Variants in CMC2 observed in about 807,000 individuals in gnomAD.
CMC2 encodes the protein COX assembly mitochondrial protein 2 homolog.
Under a neutral mutation model 7.5 loss-of-function variants are expected in CMC2, and 5 were observed. The observed-to-expected ratio is 0.66, with a 90% CI of 0.35 to 1.40. The LOEUF is 1.40. Among genes scored for constraint, CMC2 ranks in the 40% most tolerant of loss-of-function variants. CMC2 has a pLI of 0.04. For synonymous variants in CMC2, 37 were observed against 31.4 expected (o/e 1.18, Z -0.60); for missense variants, 115 against 92.3 (o/e 1.25, Z -1.01).
At chr16:80,977,599 G>C (rs545448204) in intron 3 of CMC2, among the ~76,000 whole-genome samples, 1 of 152,188 alleles carries the variant, frequency 6.6e-6, no homozygotes, top group Non-Finnish European at 1.5e-5. Flanking sequence ...ACCCAAGAGA[G>C]AGTAATGAGG....
intron 2 of CMC2, among the ~76,000 whole-genome samples, chr16:80,994,246 T>G (rs1267425526): frequency 6.6e-6 from 1 of 151,784 alleles, no homozygotes; most frequent in Admixed American, 6.6e-5. Flanking sequence ...AAAATGAAAT[T>G]AACTTGAAAC....
At chr16:81,003,288 C>T (rs1969001156) in intron 1 of CMC2, among the ~76,000 whole-genome samples, 9 of 152,182 alleles carry the variant, frequency 5.9e-5, no homozygotes, top group Admixed American at 5.9e-4. Context: ...TGAAGAAACG[C>T]TAAATACGTA....
chr16:80,986,958 G>A (rs76774834), intron 2 of CMC2, among the ~76,000 whole-genome samples: 2,095 of 152,212 alleles, frequency 0.014, 45 homozygotes, highest in African/African-American at 0.048. Context: ...CCTGAAGAGT[G>A]GCCAAAAAAA....
intron 1 of CMC2, 114 bp downstream of exon 1, chr16:81,006,620 C>T: frequency 1.2e-6 from 1 of 801,390 alleles, no homozygotes; most frequent in Non-Finnish European, 1.5e-6. Flanking sequence ...TCTTCCTGGT[C>T]CCCACCTCCT....
chr16:81,005,975 G>C (rs936707323), intron 1 of CMC2, among the ~76,000 whole-genome samples: 1 of 152,158 alleles, frequency 6.6e-6, no homozygotes, highest in Non-Finnish European at 1.5e-5. Flanking sequence ...GGATGAAAAA[G>C]AAACTCATTT....
chr16:80,996,754 G>C (rs913038419), intron 2 of CMC2, among the ~76,000 whole-genome samples: 1 of 152,164 alleles, frequency 6.6e-6, no homozygotes, highest in Admixed American at 6.5e-5. Flanking sequence ...ATATTCAACA[G>C]CTATAAAAAT....
At chr16:80,998,671 C>T (rs947442462) in intron 1 of CMC2, 2 of 152,110 alleles carry the variant, frequency 1.3e-5, no homozygotes, top group Non-Finnish European at 2.9e-5. Context: ...TATATACATA[C>T]AATGGAATAC....
intron 2 of CMC2, among the ~76,000 whole-genome samples, chr16:80,989,088 G>T (rs142667880): frequency 6.6e-6 from 1 of 151,984 alleles, no homozygotes; most frequent in East Asian, 1.9e-4. Context: ...TTATTACCTA[G>T]GTAAGAAGCT....
chr16:80,975,093 C>G lies in CMC2; in HGVS notation c.*1000G>C, dbSNP rs1449703846. 2 of 152,364 alleles carry G rather than the reference C, an allele frequency of 1.3e-5. No homozygotes were observed. Among genetic ancestry groups the G allele is most frequent in the African/African-American group, 4.8e-5 (2 of 41,466 alleles). 9.4% of individuals were successfully genotyped at this position (152,364 alleles called of 1,614,324 possible). ...GAAGCTGCTGACTTCCAGATTGTCA[C>G]AGGTCTCAGAAACACTTGGCAGAAG... On this transcript the variant is annotated 3_prime_UTR_variant, in exon 4 of 4. Transcript: ENST00000219400.
chr16:80,977,640 C>T (rs536497853), intron 3 of CMC2, among the ~76,000 whole-genome samples: 5 of 152,328 alleles, frequency 3.3e-5, no homozygotes, highest in African/African-American at 1.2e-4. Context: ...CTTCACTCTT[C>T]TGGACCAGTA....
At chr16:81,001,136 C>T (rs1156234276) in intron 1 of CMC2, 2 of 152,126 alleles carry the variant, frequency 1.3e-5, no homozygotes, top group African/African-American at 4.8e-5. Flanking sequence ...TAAGTGGGAG[C>T]TAAACACTGG....
chr16:80,974,640 T>A lies in CMC2; in HGVS notation c.*1453A>T, dbSNP rs572361351. 35 of 152,346 alleles carry A rather than the reference T, an allele frequency of 2.3e-4. No individual in the cohort carries two copies. The highest frequency in any genetic ancestry group is 7.9e-4 in the African/African-American group (33 of 41,572). The allele number at this position is 152,346 out of a possible 1,614,324, so 9.4% of individuals were successfully genotyped here. ...GCTCCTTCTTCATGAAGACTGAACA[T>A]GAAAGTCCTCTGTCTTCTATGACAT... On this transcript the variant is annotated 3_prime_UTR_variant, in exon 4 of 4. Transcript: ENST00000219400.
chr16:81,006,839 G>T lies in CMC2; in HGVS notation c.-141C>A. On this transcript the variant is annotated 5_prime_UTR_variant, in exon 1 of 4. Coordinates refer to ENST00000219400, the MANE Select transcript of CMC2 (RefSeq NM_020188.5). ...CAGACAGCTGAACCGCTTGCCAGAC[G>T]CCGAAACCCAGTGACGCCCTCCACC... is the stretch of plus-strand genomic sequence containing the variant. 2.0e-6 allele frequency: 2 copies of T among 985,670 alleles called. No homozygotes were observed. Among genetic ancestry groups the T allele is most frequent in the Non-Finnish European group, 2.4e-6 (2 of 830,142 alleles). 61.1% of individuals were successfully genotyped at this position (985,670 alleles called of 1,614,324 possible).
intron 2 of CMC2, among the ~76,000 whole-genome samples, chr16:80,984,707 C>G (rs1337787284): frequency 6.6e-6 from 1 of 152,146 alleles, no homozygotes; most frequent in Non-Finnish European, 1.5e-5. Flanking sequence ...GTCAAGTAGA[C>G]TTTTCAAATG....
Position 80,970,965 on chromosome 16 carries a change from C to T in CMC2, c.*5128G>A, listed in dbSNP as rs1017229707. 45 of 152,100 alleles carry T rather than the reference C, an allele frequency of 3.0e-4. No homozygotes were observed. The highest frequency in any genetic ancestry group is 7.9e-4 in the Admixed American group (12 of 15,272). The allele number at this position is 152,100 out of a possible 1,614,324, so 9.4% of individuals were successfully genotyped here. ...CAGCCTGGACATGGTGAAACCCTAT[C>T]TCTACTAAAAAATACAAAAATTAGC... On this transcript the variant is annotated 3_prime_UTR_variant, in exon 4 of 4. Transcript: ENST00000219400.
At chr16:81,005,391 G>A (rs1969202668) in intron 1 of CMC2, among the ~76,000 whole-genome samples, 1 of 151,742 alleles carries the variant, frequency 6.6e-6, no homozygotes, top group East Asian at 1.9e-4. Context: ...CAGCCTGGGC[G>A]ACAAAACAAG....
chr16:80,994,083 T>G (rs1015760622), intron 2 of CMC2, among the ~76,000 whole-genome samples: 1 of 152,130 alleles, frequency 6.6e-6, no homozygotes, highest in African/African-American at 2.4e-5. Flanking sequence ...GGGACCATGG[T>G]AAATCAGCAG....
chr16:81,005,404 G>A (rs1204343196), intron 1 of CMC2, among the ~76,000 whole-genome samples: 3 of 150,694 alleles, frequency 2.0e-5, no homozygotes, highest in African/African-American at 7.3e-5. Flanking sequence ...AAAACAAGAC[G>A]CCGTCTCAAA....
chr16:80,977,170 G>A (rs1046140405), intron 3 of CMC2, among the ~76,000 whole-genome samples: 3 of 152,132 alleles, frequency 2.0e-5, no homozygotes. Flanking sequence ...TAACAAACCT[G>A]ATACTCCTCA....
Sources: allele counts gnomAD v4.1 joint callset (sites outside exome capture counted in the v4.1 genomes callset), GRCh38; gene constraint gnomAD v4.1.1; transcripts MANE v1.5; gene names NCBI Gene and HGNC (gene_info 2026-07-23, HGNC 2026-07-21).